The following GRID1 variants were observed in gnomAD, a reference collection of about 807,000 sequenced individuals.
GRID1 encodes glutamate ionotropic receptor delta type subunit 1.
GRID1 carries 28 observed loss-of-function variants against 98.0 expected under a neutral mutation model. The ratio of observed to expected loss-of-function variants is 0.29; its 90% CI spans 0.21 to 0.39. The LOEUF is 0.39. Among genes scored for constraint, GRID1 ranks in the 10% least tolerant of loss-of-function variants. The pLI, the probability that GRID1 is intolerant of heterozygous loss-of-function variation, is 1.00. For missense variants in GRID1, 1,111 were observed against 1,340.5 expected, an observed-to-expected ratio of 0.83 and a Z score of 2.67; for synonymous variants, 553 against 538.5, an observed-to-expected ratio of 1.03 and a Z score of -0.37.
chr10:85,757,284 A>C (rs910694454), intron 8 of GRID1, among the ~76,000 whole-genome samples: 1 of 152,210 alleles, frequency 6.6e-6, no homozygotes, highest in Admixed American at 6.5e-5. Flanking sequence ...TGAGAAGGAA[A>C]GTTTTCCCTA....
At chr10:86,164,713 C>G (rs974099096) in intron 3 of GRID1, among the ~76,000 whole-genome samples, 2 of 152,024 alleles carry the variant, frequency 1.3e-5, no homozygotes, top group Non-Finnish European at 2.9e-5. Flanking sequence ...GGAGAGGGAA[C>G]AACATTCAGG....
intron 4 of GRID1, among the ~76,000 whole-genome samples, chr10:85,920,318 C>T (rs990859433): frequency 6.6e-6 from 1 of 152,212 alleles, no homozygotes; most frequent in Non-Finnish European, 1.5e-5. Flanking sequence ...GGTGACACTT[C>T]CAGCCCAGGA....
Position 85,854,565 on chromosome 10 carries a change from C to G in GRID1, c.1164G>C (p.Ser388=), listed in dbSNP as rs542721749. Reference sequence around the variant, plus strand: ...GGATTTCAAACTGGACATAGGGATTCGAACTGTCCTCCCGAAACTCCATCA... The same window carrying G: ...GGATTTCAAACTGGACATAGGGATTGGAACTGTCCTCCCGAAACTCCATCA... ...TGVMEFREDS[S]NPYVQFEILG... Residue 388 remains serine, a synonymous_variant, in exon 8 of 16, where the codon TCG becomes TCC. Transcript: ENST00000327946. The G allele has an allele frequency of 6.2e-7, 1 of 1,613,680 alleles. No individual in the cohort carries two copies. Among genetic ancestry groups the G allele is most frequent in the African/African-American group, 1.3e-5 (1 of 75,036 alleles).
At chr10:86,084,839 A>G (rs1412002738) in intron 4 of GRID1, among the ~76,000 whole-genome samples, 1 of 152,000 alleles carries the variant, frequency 6.6e-6, no homozygotes, top group Non-Finnish European at 1.5e-5. Flanking sequence ...ATTCACAGAG[A>G]CAGAAAGTAG....
At chr10:85,715,431 T>G (rs1031523609) in intron 12 of GRID1, among the ~76,000 whole-genome samples, 1 of 152,094 alleles carries the variant, frequency 6.6e-6, no homozygotes, top group Non-Finnish European at 1.5e-5. Flanking sequence ...ATCTACAAAG[T>G]GAAGAGACAA....
intron 3 of GRID1, among the ~76,000 whole-genome samples, chr10:86,139,702 G>C (rs760373866): frequency 5.3e-5 from 8 of 152,230 alleles, no homozygotes; most frequent in Non-Finnish European, 1.2e-4. Context: ...GACTGGATCA[G>C]GGATGAGCAG....
intron 4 of GRID1, among the ~76,000 whole-genome samples, chr10:86,128,131 T>A (rs972000003): frequency 1.3e-5 from 2 of 152,050 alleles, no homozygotes; most frequent in Non-Finnish European, 2.9e-5. Context: ...AAGAAAAGCA[T>A]CATCGTGGCC....
At chr10:86,324,726 A>G (rs1848020230) in intron 2 of GRID1, among the ~76,000 whole-genome samples, 1 of 152,246 alleles carries the variant, frequency 6.6e-6, no homozygotes, top group African/African-American at 2.4e-5. Context: ...GTCCAGGCAT[A>G]TCAATCATCT....
At chr10:85,745,450 T>C (rs1841986559) in intron 8 of GRID1, among the ~76,000 whole-genome samples, 1 of 122,516 alleles carries the variant, frequency 8.2e-6, no homozygotes, top group Admixed American at 8.7e-5. Flanking sequence ...GAAACCATCA[T>C]TCTCAGTAAA....
chr10:85,765,201 G>T (rs1842185944), intron 8 of GRID1, among the ~76,000 whole-genome samples: 1 of 152,170 alleles, frequency 6.6e-6, no homozygotes, highest in African/African-American at 2.4e-5. Context: ...GCAAGAAAAT[G>T]GGTCAACTAG....
intron 8 of GRID1, among the ~76,000 whole-genome samples, chr10:85,850,960 C>A (rs369927714): frequency 1.3e-5 from 2 of 152,162 alleles, no homozygotes; most frequent in South Asian, 2.1e-4. Flanking sequence ...ACAGTTCCTG[C>A]CCGCTCCCTA....
chr10:86,159,141 G>A (rs1410187320), intron 3 of GRID1, among the ~76,000 whole-genome samples: 4 of 152,274 alleles, frequency 2.6e-5, no homozygotes, highest in Admixed American at 2.0e-4. Flanking sequence ...TGATCCGCCT[G>A]CCTCGGCCTC....
intron 6 of GRID1, 110 bp from the exon 7 acceptor site, chr10:85,856,300 G>T (rs1590267439): frequency 2.1e-6 from 2 of 941,638 alleles, no homozygotes; most frequent in Non-Finnish European, 3.3e-6. Flanking sequence ...AAGCTGTGGT[G>T]CCCAGTATCT....
chr10:86,247,267 G>A (rs1453106202), intron 2 of GRID1, among the ~76,000 whole-genome samples: 1 of 146,336 alleles, frequency 6.8e-6, no homozygotes, highest in Non-Finnish European at 1.5e-5. Flanking sequence ...ATAGATGGAT[G>A]GATGGATAGA....
chr10:86,142,368 G>A (rs1015605623), intron 3 of GRID1, among the ~76,000 whole-genome samples: 1 of 152,234 alleles, frequency 6.6e-6, no homozygotes, highest in African/African-American at 2.4e-5. Flanking sequence ...AAAAAGCAAT[G>A]CCTTTACCTT....
chr10:85,718,484 G>T (rs1001979257), intron 12 of GRID1, among the ~76,000 whole-genome samples: 3 of 152,212 alleles, frequency 2.0e-5, no homozygotes, highest in Admixed American at 6.5e-5. Flanking sequence ...GCATCCAGGC[G>T]TTTCTATACA....
chr10:85,808,819 A>G (rs1431851908), intron 8 of GRID1, among the ~76,000 whole-genome samples: 1 of 152,190 alleles, frequency 6.6e-6, no homozygotes, highest in Non-Finnish European at 1.5e-5. Context: ...TGTCCAGGAA[A>G]CGTAAAAATG....
intron 4 of GRID1, among the ~76,000 whole-genome samples, chr10:86,075,984 T>C (rs1424870051): frequency 6.6e-6 from 1 of 152,190 alleles, no homozygotes; most frequent in Non-Finnish European, 1.5e-5. Context: ...GCTCATGCCC[T>C]AGGCATGGCA....
intron 5 of GRID1, among the ~76,000 whole-genome samples, chr10:85,900,810 T>C (rs1841370870): frequency 6.6e-6 from 1 of 152,204 alleles, no homozygotes; most frequent in African/African-American, 2.4e-5. Flanking sequence ...AGGTGTTCAG[T>C]ACATGTATGA....
Sources: gnomAD v4.1 joint callset for allele counts (sites outside exome capture counted in the v4.1 genomes callset) on GRCh38, gnomAD v4.1.1 for gene constraint, MANE v1.5 for transcripts, NCBI Gene and HGNC (gene_info 2026-07-23, HGNC 2026-07-21) for gene names.